The following DLC1 variants were observed in gnomAD, a reference collection of about 807,000 sequenced individuals.
The protein encoded by DLC1 is rho GTPase-activating protein 7.
A neutral mutation model predicts 140.3 loss-of-function variants in DLC1; 54 were observed. That is an observed-to-expected ratio of 0.38 (90% confidence interval 0.31 to 0.48). The LOEUF (loss-of-function observed/expected upper bound fraction) is 0.48, where lower values mean the gene tolerates loss of function less well. DLC1 is among the 20% of genes least tolerant of loss of function. DLC1 has a pLI of 0.96. For missense variants in DLC1, 2,536 were observed against 1,907.0 expected, an observed-to-expected ratio of 1.33 and a Z score of -6.14; for synonymous variants, 986 against 728.1, an observed-to-expected ratio of 1.35 and a Z score of -5.70.
intron 5 of DLC1, among the ~76,000 whole-genome samples, chr8:13,295,472 C>T (rs1831908778): frequency 6.6e-6 from 1 of 152,176 alleles, no homozygotes. Context: ...GCACAGCCTG[C>T]AGACAAGAAG....
At chr8:13,437,501 T>C (rs1839177204) in intron 2 of DLC1, among the ~76,000 whole-genome samples, 1 of 152,190 alleles carries the variant, frequency 6.6e-6, no homozygotes, top group African/African-American at 2.4e-5. Flanking sequence ...CATTAAGTAA[T>C]AAGGTCTCCT....
At chr8:13,298,539 A>C (rs1832054076) in intron 5 of DLC1, among the ~76,000 whole-genome samples, 1 of 152,234 alleles carries the variant, frequency 6.6e-6, no homozygotes, top group South Asian at 2.1e-4. Flanking sequence ...GGACACACAA[A>C]GACAATATTC....
intron 5 of DLC1, among the ~76,000 whole-genome samples, chr8:13,121,746 T>A (rs1346357593): frequency 6.6e-6 from 1 of 151,720 alleles, no homozygotes; most frequent in Non-Finnish European, 1.5e-5. Context: ...AGAGACAGAG[T>A]CTCGCTATGT....
rs780367229 is a variant in DLC1 at position 13,100,432 on chromosome 8, G to C, written c.1905C>G (p.Asp635Glu). ...CSSSNLAGND[D>E]SFGSLPSPKE... ...TGGGAGAGGGCAGGCTGCCGAAAGA[G>C]TCGTCATTGCCTGCCAAGTTGCTGG... is the stretch of plus-strand genomic sequence containing the variant. Residue 635 changes from aspartate to glutamate, a missense_variant, in exon 9 of 18, where the codon GAC (aspartate) becomes GAG (glutamate). Physicochemically the swap from Asp to Glu is conservative, Grantham distance 45. Transcript: ENST00000276297. 1.5e-5 allele frequency: 25 copies of C among 1,614,076 alleles called. No individual in the cohort carries two copies. The Admixed American group carries it at 3.7e-4, about 24-fold the overall frequency.
chr8:13,219,645 A>C (rs117587639), intron 5 of DLC1, among the ~76,000 whole-genome samples: 1 of 151,748 alleles, frequency 6.6e-6, no homozygotes, highest in African/African-American at 2.4e-5. Context: ...ATTTTTGGAG[A>C]TATCTATATA....
intron 2 of DLC1, among the ~76,000 whole-genome samples, chr8:13,451,610 C>T (rs1799062371): frequency 6.6e-6 from 1 of 152,166 alleles, no homozygotes; most frequent in African/African-American, 2.4e-5. Flanking sequence ...TAAGTGAGAA[C>T]ATGTAATGCT....
intron 5 of DLC1, among the ~76,000 whole-genome samples, chr8:13,119,795 A>G (rs959538756): frequency 6.6e-6 from 1 of 152,052 alleles, no homozygotes; most frequent in Non-Finnish European, 1.5e-5. Flanking sequence ...TCTACAAAAA[A>G]TATAAAAAGA....
rs1235645103 is a variant in DLC1 at position 13,249,103 on chromosome 8, T to A, written c.1348+56166A>T. On this transcript the variant is annotated intron_variant, in intron 5 of 17. Transcript: ENST00000276297. ...TTCTTTTTTTTCCTTTGAGACAAAG[T>A]CTCGCTCTTGTTGCCCAGGCTGGAG... is the stretch of plus-strand genomic sequence containing the variant. Among the ~76,000 whole-genome samples, 5 of 152,130 alleles carry A rather than the reference T, an allele frequency of 3.3e-5. No homozygotes were observed. In the South Asian group the frequency reaches 6.2e-4, roughly 19 times the overall value.
At chr8:13,204,305 ACT>A (rs1827549307) in intron 5 of DLC1, among the ~76,000 whole-genome samples, 1 of 151,944 alleles carries the variant, frequency 6.6e-6, no homozygotes, top group African/African-American at 2.4e-5. Context: ...GCAAAACCAA[ACT>A]CTGAAAAGAG....
chr8:13,443,874 CAT>C (rs1014243523), intron 2 of DLC1, among the ~76,000 whole-genome samples: 24 of 152,220 alleles, frequency 1.6e-4, no homozygotes, highest in Admixed American at 1.1e-3. Flanking sequence ...ACAAACGTCA[CAT>C]GTTTGGCGTT....
chr8:13,134,784 C>G (rs1822427291), intron 5 of DLC1, among the ~76,000 whole-genome samples: 1 of 152,114 alleles, frequency 6.6e-6, no homozygotes, highest in Admixed American at 6.6e-5. Context: ...TATAGCAAGA[C>G]TCCATCTGTA....
At chr8:13,367,747 T>C (rs1021653168) in intron 4 of DLC1, among the ~76,000 whole-genome samples, 2 of 152,168 alleles carry the variant, frequency 1.3e-5, no homozygotes, top group Non-Finnish European at 2.9e-5. Context: ...CATCTGAAAT[T>C]GGTCAATTTC....
upstream of DLC1, among the ~76,000 whole-genome samples, chr8:13,516,175 G>T (rs545983252): frequency 1.1e-3 from 160 of 152,064 alleles, 1 homozygote; most frequent in African/African-American, 3.7e-3. Flanking sequence ...TTTGGGGGGG[G>T]ACTGATGATC....
At chr8:13,194,511 A>G (rs189400463) in intron 5 of DLC1, among the ~76,000 whole-genome samples, 2 of 152,348 alleles carry the variant, frequency 1.3e-5, no homozygotes, top group Admixed American at 6.5e-5. Flanking sequence ...GGAATTGGAT[A>G]TACTCCAAAA....
At chr8:13,421,183 C>T (rs1258253995) in intron 2 of DLC1, among the ~76,000 whole-genome samples, 1 of 151,700 alleles carries the variant, frequency 6.6e-6, no homozygotes, top group Non-Finnish European at 1.5e-5. Flanking sequence ...TTTAACATAA[C>T]TATTTCTTTC....
chr8:13,241,198 C>A (rs17188985), intron 5 of DLC1, among the ~76,000 whole-genome samples: 7,579 of 152,298 alleles, frequency 0.05, 240 homozygotes, highest in South Asian at 0.14. Context: ...CCTATATGTA[C>A]ACTTTGATCT....
At chr8:13,567,827 C>G (rs746547308) in intron 1 of DLC1, 1 of 1,551,830 alleles carries the variant, frequency 6.4e-7, no homozygotes, top group South Asian at 1.2e-5. Flanking sequence ...TTTGAAAGAT[C>G]AGAGACAGAG....
intron 4 of DLC1, among the ~76,000 whole-genome samples, chr8:13,324,302 C>T (rs1358234718): frequency 1.3e-5 from 2 of 152,308 alleles, no homozygotes; most frequent in East Asian, 3.9e-4. Flanking sequence ...GGCGTGGTGG[C>T]TCACGCCTCT....
intron 5 of DLC1, chr8:13,214,324 C>A (rs1377824965): frequency 3.7e-6 from 1 of 270,006 alleles, no homozygotes; most frequent in Non-Finnish European, 6.9e-6. Context: ...AGCATCCTTA[C>A]ATTGTTTCCC....
Sources: gnomAD v4.1 joint callset for allele counts (sites outside exome capture counted in the v4.1 genomes callset) on GRCh38, gnomAD v4.1.1 for gene constraint, MANE v1.5 for transcripts, NCBI Gene and HGNC (gene_info 2026-07-23, HGNC 2026-07-21) for gene names.